DGKB: variants seen among roughly 807,000 people sequenced by gnomAD.
DGKB encodes the protein 90 kDa diacylglycerol kinase.
A neutral mutation model predicts 114.3 loss-of-function variants in DGKB; 67 were observed. The observed-to-expected ratio is 0.59, with a 90% CI of 0.48 to 0.72. The LOEUF is 0.72. Among genes scored for constraint, DGKB ranks in the 30% least tolerant of loss-of-function variants. The pLI is 0.00. For missense variants in DGKB, 907 were observed against 975.2 expected (o/e 0.93, Z 0.93); for synonymous variants, 398 against 323.1 (o/e 1.23, Z -2.49).
At chr7:14,954,441 T>G (rs1380982097) in intron 1 of DGKB, among the ~76,000 whole-genome samples, 1 of 152,084 alleles carries the variant, frequency 6.6e-6, no homozygotes, top group Non-Finnish European at 1.5e-5. Flanking sequence ...TTATCCTAAG[T>G]TAAAGCAAAT....
chr7:14,550,318 A>G (rs902267185), intron 20 of DGKB, among the ~76,000 whole-genome samples: 4 of 152,162 alleles, frequency 2.6e-5, no homozygotes, highest in Non-Finnish European at 5.9e-5. Flanking sequence ...AATGTAATTG[A>G]AAGAAAATAG....
chr7:14,340,427 C>T (rs1371660846), intron 22 of DGKB, among the ~76,000 whole-genome samples: 1 of 151,502 alleles, frequency 6.6e-6, no homozygotes, highest in Non-Finnish European at 1.5e-5. Flanking sequence ...TTAGATAGTA[C>T]ATATTTTTTA....
At chr7:14,163,029 G>C (rs922643371) in intron 25 of DGKB, among the ~76,000 whole-genome samples, 3 of 151,710 alleles carry the variant, frequency 2.0e-5, no homozygotes, top group African/African-American at 4.8e-5. Context: ...TTCATGTTTT[G>C]TACTAATAGG....
At chr7:14,938,583 A>C (rs1047399647) in intron 1 of DGKB, among the ~76,000 whole-genome samples, 1 of 151,580 alleles carries the variant, frequency 6.6e-6, no homozygotes, top group Non-Finnish European at 1.5e-5. Context: ...TCAAAATCTA[A>C]CATTTCTTGT....
intron 23 of DGKB, among the ~76,000 whole-genome samples, chr7:14,224,585 T>C (rs1056746526): frequency 1.3e-4 from 20 of 151,958 alleles, no homozygotes; most frequent in African/African-American, 4.8e-4. Flanking sequence ...TATTAGAAAC[T>C]TGACACTTTA....
In DGKB at chr7:14,753,785, T is replaced by G. The variant is rs992865012; in HGVS notation, c.168+143A>C. 7 of 633,940 alleles carry G rather than the reference T, an allele frequency of 1.1e-5. No homozygotes were observed. The African/African-American group carries it at 1.3e-4, about 12-fold the overall frequency. 39.3% of individuals were successfully genotyped at this position (633,940 alleles called of 1,614,324 possible). A position where few individuals can be genotyped will look rare whatever the true frequency, so the allele number is the denominator to read the frequency against. ...TGTCACATCCAGCTTAGTTATAACCTATGAGTATTATAGGCAACCTTGTAT... is the reference window on the plus strand; with the variant it reads ...TGTCACATCCAGCTTAGTTATAACCGATGAGTATTATAGGCAACCTTGTAT... On this transcript the variant is annotated intron_variant, in intron 4 of 25. Transcript: ENST00000402815.
intron 23 of DGKB, among the ~76,000 whole-genome samples, chr7:14,189,113 A>AAGTT (rs1459166715): frequency 6.6e-6 from 1 of 152,222 alleles, no homozygotes; most frequent in Non-Finnish European, 1.5e-5. Flanking sequence ...ACCGTAGAGT[A>AAGTT]AGTTAATTAA....
chr7:14,747,518 C>T (rs1362536340), intron 4 of DGKB, among the ~76,000 whole-genome samples: 1 of 152,070 alleles, frequency 6.6e-6, no homozygotes, highest in Non-Finnish European at 1.5e-5. Context: ...TTAGACATTT[C>T]TGATAAATGG....
chr7:14,663,500 G>A lies in DGKB; in HGVS notation c.1134+9429C>T, dbSNP rs1281816652. ...TGGAAACGACTTGCCCACAGATCAG[G>A]AGTTCATGTAAGAACTCTGGACTCT... On this transcript the variant is annotated intron_variant, in intron 13 of 25. Transcript: ENST00000402815. Among the ~76,000 whole-genome samples, 7 of 151,896 alleles carry A rather than the reference G, an allele frequency of 4.6e-5. 1 individual carries two copies. The South Asian group carries it at 1.0e-3, about 23-fold the overall frequency.
At chr7:14,902,856 C>G (rs1783336787), upstream of DGKB, 1 of 152,166 alleles carries the variant, frequency 6.6e-6, no homozygotes, top group South Asian at 2.1e-4. Flanking sequence ...AATCTACTTC[C>G]AGGCAGCAAC....
intron 23 of DGKB, among the ~76,000 whole-genome samples, chr7:14,213,178 C>T (rs374048790): frequency 6.4e-4 from 98 of 152,112 alleles, no homozygotes; most frequent in African/African-American, 1.9e-3. Flanking sequence ...AAGCTATTTT[C>T]GTATATATAT....
intron 21 of DGKB, among the ~76,000 whole-genome samples, chr7:14,369,796 G>C (rs190952815): frequency 2.6e-5 from 4 of 152,188 alleles, no homozygotes; most frequent in Non-Finnish European, 4.4e-5. Context: ...ATTCGTTTAA[G>C]TTCCTTGTAG....
At chr7:14,161,136 T>C (rs1479434302) in intron 25 of DGKB, among the ~76,000 whole-genome samples, 1 of 152,184 alleles carries the variant, frequency 6.6e-6, no homozygotes, top group Non-Finnish European at 1.5e-5. Context: ...CCAGTTAGAA[T>C]GGCGATCATT....
chr7:14,948,622 C>T (rs1028817992), intron 1 of DGKB, among the ~76,000 whole-genome samples: 4 of 151,772 alleles, frequency 2.6e-5, no homozygotes, highest in African/African-American at 9.7e-5. Flanking sequence ...TTGTCAGTAG[C>T]ATCTCTGGTC....
At chr7:14,315,010 G>C (rs931691257) in intron 23 of DGKB, among the ~76,000 whole-genome samples, 1 of 151,904 alleles carries the variant, frequency 6.6e-6, no homozygotes, top group Admixed American at 6.6e-5. Flanking sequence ...TTTCAACCCA[G>C]AATTTCATAT....
At chr7:14,668,558 T>C (rs1818439923) in intron 13 of DGKB, among the ~76,000 whole-genome samples, 2 of 152,124 alleles carry the variant, frequency 1.3e-5, no homozygotes, top group South Asian at 2.1e-4. Context: ...ATAATATTTA[T>C]CTTATGTTGT....
intron 20 of DGKB, among the ~76,000 whole-genome samples, chr7:14,508,508 AT>A (rs1393166729): frequency 6.6e-6 from 1 of 152,208 alleles, no homozygotes; most frequent in Non-Finnish European, 1.5e-5. Context: ...GAAGGAAAAC[AT>A]TTTATTGAGA....
chr7:14,408,488 T>G (rs1427459982), intron 21 of DGKB, among the ~76,000 whole-genome samples: 2 of 152,106 alleles, frequency 1.3e-5, no homozygotes, highest in African/African-American at 4.8e-5. Context: ...TACCTGATTG[T>G]AGGCTGAACT....
At chr7:14,512,530 C>T (rs188453708) in intron 20 of DGKB, among the ~76,000 whole-genome samples, 1 of 152,058 alleles carries the variant, frequency 6.6e-6, no homozygotes, top group Non-Finnish European at 1.5e-5. Context: ...ATAATCTCTT[C>T]CTGACAACTC....
Sources: gnomAD v4.1 joint callset for allele counts (sites outside exome capture counted in the v4.1 genomes callset) on GRCh38, gnomAD v4.1.1 for gene constraint, MANE v1.5 for transcripts, NCBI Gene and HGNC (gene_info 2026-07-23, HGNC 2026-07-21) for gene names.